NF1: variants seen among roughly 807,000 people sequenced by gnomAD.
NF1 encodes neurofibromin 1.
A neutral mutation model predicts 325.7 loss-of-function variants in NF1; 122 were observed. The observed-to-expected ratio is 0.37, with a 90% CI of 0.32 to 0.44. The LOEUF (loss-of-function observed/expected upper bound fraction) is 0.44, where lower values mean the gene tolerates loss of function less well. NF1 is among the 20% of genes least tolerant of loss of function. The pLI is 1.00. For synonymous variants in NF1, 1,091 were observed against 1,186.0 expected, an observed-to-expected ratio of 0.92 and a Z score of 1.65; for missense variants, 2,140 against 3,415.4, an observed-to-expected ratio of 0.63 and a Z score of 9.31.
In NF1 at chr17:31,350,313, C is replaced by A. The variant is rs764502383; in HGVS notation, c.7452C>A (p.Ser2484=). 6.2e-7 allele frequency: 1 copy of A among 1,612,084 alleles called. No individual in the cohort carries two copies. Among genetic ancestry groups the A allele is most frequent in the Non-Finnish European group, 8.5e-7 (1 of 1,178,586 alleles). ...DTYPIHHGDP[S]YRTLKETQPW... is the part of the protein sequence containing the mutation. ...ATCCCATTCATCATGGTGACCCTTCCTATAGGTAAGTGGATTTACTCTCCT... is the reference window on the plus strand; with the variant it reads ...ATCCCATTCATCATGGTGACCCTTCATATAGGTAAGTGGATTTACTCTCCT... Residue 2484 remains serine (S), a synonymous_variant, in exon 50 of 58, where the codon TCC becomes TCA. Transcript: ENST00000358273.
intron 8 of NF1, among the ~76,000 whole-genome samples, chr17:31,186,062 G>A (rs748099091): frequency 6.6e-6 from 1 of 152,102 alleles, no homozygotes; most frequent in Non-Finnish European, 1.5e-5. Flanking sequence ...AACTGGGTGT[G>A]TTCTGACCCA....
chr17:31,318,240 A>C, intron 36 of NF1: 1 of 1,530,780 alleles, frequency 6.5e-7, no homozygotes. Flanking sequence ...TTTGGGATTA[A>C]ATACCAACTG....
intron 1 of NF1, among the ~76,000 whole-genome samples, chr17:31,141,693 A>G (rs1206702211): frequency 6.6e-6 from 1 of 152,194 alleles, no homozygotes; most frequent in Non-Finnish European, 1.5e-5. Context: ...GGTCAGGAAG[A>G]TAGGGGTACC....
At chr17:31,356,748 T>C in intron 52 of NF1, 166 bp downstream of exon 52, 1 of 1,208,442 alleles carries the variant, frequency 8.3e-7, no homozygotes, top group East Asian at 2.6e-5. Flanking sequence ...ATCTTGAAGC[T>C]TGTGTAAAAA....
At chr17:31,119,260 C>T (rs1354323952) in intron 1 of NF1, among the ~76,000 whole-genome samples, 1 of 151,998 alleles carries the variant, frequency 6.6e-6, no homozygotes, top group African/African-American at 2.4e-5. Flanking sequence ...CCTGTTTCTC[C>T]ACCTCCTCTC....
intron 57 of NF1, among the ~76,000 whole-genome samples, chr17:31,373,037 T>C (rs2070674949): frequency 6.6e-6 from 1 of 152,164 alleles, no homozygotes; most frequent in South Asian, 2.1e-4. Context: ...TCAATCATTG[T>C]TAGGCCCAGG....
chr17:31,236,861 C>T (rs945049450), intron 29 of NF1, among the ~76,000 whole-genome samples: 1 of 152,172 alleles, frequency 6.6e-6, no homozygotes, highest in African/African-American at 2.4e-5. Context: ...ACCATTGTAA[C>T]AATTGTGACG....
At chr17:31,300,825 T>C (rs1351041478) in intron 36 of NF1, among the ~76,000 whole-genome samples, 1 of 152,130 alleles carries the variant, frequency 6.6e-6, no homozygotes, top group East Asian at 1.9e-4. Context: ...TGTTGAACTT[T>C]GGGATTTATT....
chr17:31,238,654 A>G (rs2067243484), intron 29 of NF1, among the ~76,000 whole-genome samples: 1 of 151,316 alleles, frequency 6.6e-6, no homozygotes, highest in Admixed American at 6.6e-5. Context: ...AATCGCTTGA[A>G]CCCAGGAGGT....
chr17:31,363,472 CTGT>C (rs2070444010), intron 57 of NF1, among the ~76,000 whole-genome samples: 2 of 135,984 alleles, frequency 1.5e-5, no homozygotes, highest in Non-Finnish European at 3.1e-5. Flanking sequence ...GAGTCTCGCT[CTGT>C]CGCCGAGGCT....
chr17:31,110,927 A>G (rs568655488), intron 1 of NF1, among the ~76,000 whole-genome samples: 37 of 152,128 alleles, frequency 2.4e-4, no homozygotes, highest in Non-Finnish European at 4.3e-4. Context: ...AAACCCAGGT[A>G]AATTTAATGT....
chr17:31,248,861 G>T, intron 29 of NF1, 123 bp from the exon 30 acceptor site: 32 of 824,578 alleles, frequency 3.9e-5, no homozygotes, highest in Non-Finnish European at 5.1e-5. Context: ...GTTGTTTAAA[G>T]ATTCCAATGA....
intron 22 of NF1, 75 bp from the exon 23 acceptor site, chr17:31,230,185 A>C (rs1338647517): frequency 6.5e-7 from 1 of 1,533,714 alleles, no homozygotes; most frequent in East Asian, 2.3e-5. Flanking sequence ...GTTTTACTTG[A>C]TGACTAAAGT....
intron 12 of NF1, among the ~76,000 whole-genome samples, chr17:31,209,631 GCTCT>G (rs1220275268): frequency 1.3e-5 from 2 of 151,958 alleles, no homozygotes; most frequent in East Asian, 1.9e-4. Context: ...TATTCTTTTA[GCTCT>G]CTCTCTTTTT....
intron 36 of NF1, among the ~76,000 whole-genome samples, chr17:31,288,130 AAAAAAAT>A (rs1180838867): frequency 9.2e-5 from 14 of 151,946 alleles, no homozygotes; most frequent in African/African-American, 3.1e-4. Flanking sequence ...TAAAAATACA[AAAAAAAT>A]AAAAAATAAA....
intron 8 of NF1, among the ~76,000 whole-genome samples, chr17:31,199,248 C>T (rs2066485362): frequency 6.6e-6 from 1 of 152,170 alleles, no homozygotes; most frequent in Admixed American, 6.5e-5. Flanking sequence ...TCTGCATTCA[C>T]TGCATCCTAT....
intron 1 of NF1, among the ~76,000 whole-genome samples, chr17:31,099,174 T>A (rs1238189688): frequency 6.6e-6 from 1 of 152,148 alleles, no homozygotes; most frequent in Non-Finnish European, 1.5e-5. Flanking sequence ...TTCGGTGTGA[T>A]TAAAGCAGAA....
At chr17:31,237,475 C>G (rs570496850) in intron 29 of NF1, among the ~76,000 whole-genome samples, 5 of 152,086 alleles carry the variant, frequency 3.3e-5, no homozygotes, top group African/African-American at 1.2e-4. Context: ...CGAGGTTTTG[C>G]CTTGTTGCCC....
chr17:31,095,991 C>G (rs1382861412), intron 1 of NF1, among the ~76,000 whole-genome samples: 2 of 152,094 alleles, frequency 1.3e-5, no homozygotes, highest in Non-Finnish European at 2.9e-5. Flanking sequence ...CAAGTGCACA[C>G]TCACTGCACA....
Sources: allele counts gnomAD v4.1 joint callset (sites outside exome capture counted in the v4.1 genomes callset), GRCh38; gene constraint gnomAD v4.1.1; transcripts MANE v1.5; gene names NCBI Gene and HGNC (gene_info 2026-07-23, HGNC 2026-07-21).